Variants in CEP135 observed in about 807,000 individuals in gnomAD.
CEP135 encodes the protein centrosomal protein 135.
A neutral mutation model predicts 157.3 loss-of-function variants in CEP135; 142 were observed. The ratio of observed to expected loss-of-function variants is 0.90; its 90% CI spans 0.79 to 1.04. CEP135 has a LOEUF of 1.04. CEP135 is among the 50% of genes least tolerant of loss of function. CEP135 has a pLI of 0.00. For synonymous variants in CEP135, 396 were observed against 439.8 expected, an observed-to-expected ratio of 0.90 and a Z score of 1.25; for missense variants, 1,317 against 1,309.2, an observed-to-expected ratio of 1.01 and a Z score of -0.09.
At chr4:55,962,259 C>A (rs1214526040) in intron 6 of CEP135, among the ~76,000 whole-genome samples, 1 of 152,112 alleles carries the variant, frequency 6.6e-6, no homozygotes, top group Non-Finnish European at 1.5e-5. Flanking sequence ...ACCACCACAC[C>A]CGGCTAATTG....
chr4:55,963,895 T>A (rs1223829044), intron 6 of CEP135, among the ~76,000 whole-genome samples: 1 of 152,252 alleles, frequency 6.6e-6, no homozygotes, highest in Non-Finnish European at 1.5e-5. Context: ...TTACACTCAT[T>A]CATTTATTCT....
At chr4:55,970,756 AT>A (rs1729003867) in intron 9 of CEP135, among the ~76,000 whole-genome samples, 1 of 152,212 alleles carries the variant, frequency 6.6e-6, no homozygotes, top group Non-Finnish European at 1.5e-5. Context: ...GATAGCTAAC[AT>A]TTTTTAAGTA....
At chr4:55,950,504 G>T (rs1458499775) in intron 1 of CEP135, among the ~76,000 whole-genome samples, 1 of 152,112 alleles carries the variant, frequency 6.6e-6, no homozygotes, top group Non-Finnish European at 1.5e-5. Flanking sequence ...TGATCTTTGG[G>T]CTGAGCATAT....
Position 55,976,700 on chromosome 4 carries a change from A to G in CEP135, c.1473+1731A>G, listed in dbSNP as rs980628851. Among the ~76,000 whole-genome samples the G allele has an allele frequency of 3.9e-5, 6 of 152,236 alleles. No homozygotes were observed. In the South Asian group the frequency reaches 1.0e-3, roughly 26 times the overall value. On this transcript the variant is annotated intron_variant, in intron 11 of 25. Coordinates refer to ENST00000257287, the MANE Select transcript of CEP135 (RefSeq NM_025009.5). ...TTTTAGAGGCCCAATAATAAAGTGCAGGCATGAAAGAGGATAGTAGGTAAG... is the reference window on the plus strand; with the variant it reads ...TTTTAGAGGCCCAATAATAAAGTGCGGGCATGAAAGAGGATAGTAGGTAAG...
Position 56,025,094 on chromosome 4 carries a change from G to A in CEP135, c.*11+480G>A, listed in dbSNP as rs150785342. On this transcript the variant is annotated intron_variant, in intron 25 of 25. Transcript: ENST00000257287. ...GATGGCTTGAGCCCGGAAGGTTGAG[G>A]CTGCAGTGAACTGTGATTGCACTAT... Among the ~76,000 whole-genome samples, 838 of 152,176 alleles carry A rather than the reference G, an allele frequency of 5.5e-3. 7 individuals are homozygous for A. The highest frequency in any genetic ancestry group is 0.019 in the African/African-American group (794 of 41,498).
chr4:55,999,437 G>A lies in CEP135; in HGVS notation c.2125+20G>A, dbSNP rs1266402137. 6.2e-7 allele frequency: 1 copy of A among 1,613,164 alleles called. No individual in the cohort carries two copies. Among genetic ancestry groups the A allele is most frequent in the Admixed American group, 1.7e-5 (1 of 59,812 alleles). ...AGATAGGTAAATGTTTTAAAATTTTGTTTCTGCTAATCCTAATGTACTTTG... is the reference window on the plus strand; with the variant it reads ...AGATAGGTAAATGTTTTAAAATTTTATTTCTGCTAATCCTAATGTACTTTG... On this transcript the variant is annotated intron_variant, in intron 16 of 25. Transcript: ENST00000257287.
At chr4:55,958,849 C>T (rs1232472194) in intron 5 of CEP135, among the ~76,000 whole-genome samples, 5 of 152,036 alleles carry the variant, frequency 3.3e-5, no homozygotes, top group Non-Finnish European at 5.9e-5. Context: ...TTTGGTAGGC[C>T]GAGGCAGGAG....
Position 55,991,951 on chromosome 4 carries a change from T to C in CEP135, c.1875T>C (p.Tyr625=), listed in dbSNP as rs1355133856. The change falls in exon 15 of 26, where the codon TAT becomes TAC. Residue 625 remains tyrosine (Y), a synonymous_variant. Coordinates refer to ENST00000257287, the MANE Select transcript of CEP135 (RefSeq NM_025009.5). ...AATTATAGCTTGAAAGCGAAAAATATGAATTAAAGTCTAAAGTGTTAATAA... is the reference window on the plus strand; with the variant it reads ...AATTATAGCTTGAAAGCGAAAAATACGAATTAAAGTCTAAAGTGTTAATAA... ...CVNHQLESEK[Y]ELKSKVLIMK... is the part of the protein sequence containing the mutation. 6.7e-7 allele frequency: 1 copy of C among 1,489,132 alleles called. No individual in the cohort carries two copies. Among genetic ancestry groups the C allele is most frequent in the East Asian group, 2.3e-5 (1 of 43,032 alleles). The allele number at this position is 1,489,132 out of a possible 1,614,324, so 92.2% of individuals were successfully genotyped here.
intron 24 of CEP135, among the ~76,000 whole-genome samples, chr4:56,023,952 T>C (rs1481592955): frequency 7.1e-6 from 1 of 139,962 alleles, no homozygotes; most frequent in Non-Finnish European, 1.5e-5. Flanking sequence ...TACTATAAGA[T>C]TGTTCAAAGC....
Position 55,971,425 on chromosome 4 carries a change from T to C in CEP135, c.1249+17T>C, listed in dbSNP as rs1729023885. Reference sequence around the variant, plus strand: ...CAGTTACAGGTAAGATGTCAAATTTTGATAGCTAAAGAATGATTGTGATTT... The same window carrying C: ...CAGTTACAGGTAAGATGTCAAATTTCGATAGCTAAAGAATGATTGTGATTT... On this transcript the variant is annotated intron_variant, in intron 10 of 25. Coordinates refer to ENST00000257287, the MANE Select transcript of CEP135 (RefSeq NM_025009.5). 1.9e-6 allele frequency: 3 copies of C among 1,584,626 alleles called. No homozygotes were observed. The East Asian group carries it at 6.8e-5, about 36-fold the overall frequency.
At chr4:55,975,503 A>G (rs556309739) in intron 11 of CEP135, among the ~76,000 whole-genome samples, 1 of 152,334 alleles carries the variant, frequency 6.6e-6, no homozygotes, top group African/African-American at 2.4e-5. Flanking sequence ...TTGTAAGTTG[A>G]TGATCCAAAG....
At chr4:56,009,042 G>T (rs955663104) in intron 18 of CEP135, among the ~76,000 whole-genome samples, 1 of 152,178 alleles carries the variant, frequency 6.6e-6, no homozygotes, top group Non-Finnish European at 1.5e-5. Flanking sequence ...GAGACTGCAG[G>T]CGTGTGCCAC....
At chr4:55,999,751 G>A in intron 17 of CEP135, 106 bp downstream of exon 17, 2 of 1,170,510 alleles carry the variant, frequency 1.7e-6, no homozygotes, top group Non-Finnish European at 2.4e-6. Flanking sequence ...GGAGTGCAGT[G>A]GCATGATCAC....
intron 15 of CEP135, among the ~76,000 whole-genome samples, chr4:55,992,736 A>T (rs995155672): frequency 6.6e-6 from 1 of 152,202 alleles, no homozygotes; most frequent in African/African-American, 2.4e-5. Context: ...ATATAAAATC[A>T]AAAGGTTTAG....
intron 8 of CEP135, chr4:55,966,328 A>C (rs57998621): frequency 0.021 from 3,194 of 155,210 alleles, 116 homozygotes; most frequent in African/African-American, 0.074. Flanking sequence ...AGTAGCTGGA[A>C]TTACAGGTGC....
intron 9 of CEP135, among the ~76,000 whole-genome samples, 166 bp from the exon 10 acceptor site, chr4:55,971,104 T>A (rs1729012401): frequency 6.6e-6 from 1 of 151,948 alleles, no homozygotes; most frequent in South Asian, 2.1e-4. Flanking sequence ...CAGCCACAAA[T>A]GATAATTAAG....
At chr4:55,979,092 G>A (rs1729316925) in intron 11 of CEP135, among the ~76,000 whole-genome samples, 1 of 152,112 alleles carries the variant, frequency 6.6e-6, no homozygotes. Flanking sequence ...CATTGTATGT[G>A]GTATTGGCAT....
intron 6 of CEP135, among the ~76,000 whole-genome samples, chr4:55,961,764 TAAAA>T (rs564116620): frequency 1.7e-3 from 93 of 54,204 alleles, no homozygotes; most frequent in African/African-American, 4.8e-3. Flanking sequence ...AAACTCTGTC[TAAAA>T]AAAAAAAAAA....
intron 10 of CEP135, among the ~76,000 whole-genome samples, chr4:55,972,966 G>A (rs1729076366): frequency 6.6e-6 from 1 of 152,098 alleles, no homozygotes; most frequent in Non-Finnish European, 1.5e-5. Context: ...CGGAGGCGGA[G>A]GTTGCAGTGA....
Sources: gnomAD v4.1 joint callset for allele counts (sites outside exome capture counted in the v4.1 genomes callset) on GRCh38, gnomAD v4.1.1 for gene constraint, MANE v1.5 for transcripts, NCBI Gene and HGNC (gene_info 2026-07-23, HGNC 2026-07-21) for gene names.